CYB5R4: variants seen among roughly 807,000 people sequenced by gnomAD.
The protein encoded by CYB5R4 is N-terminal cytochrome b5 and cytochrome b5 oxidoreductase domain-containing protein.
In CYB5R4, 55 loss-of-function variants were observed where a neutral mutation model predicts 70.2. That is an observed-to-expected ratio of 0.78 (90% confidence interval 0.63 to 0.98). The LOEUF (loss-of-function observed/expected upper bound fraction) is 0.98. Among genes scored for constraint, CYB5R4 ranks in the 50% least tolerant of loss-of-function variants. The pLI is 0.00. For missense variants in CYB5R4, 562 were observed against 612.6 expected (o/e 0.92, Z 0.87); for synonymous variants, 197 against 199.5 (o/e 0.99, Z 0.11).
At chr6:83,916,450 T>C (rs1158988540) in intron 5 of CYB5R4, among the ~76,000 whole-genome samples, 1 of 152,206 alleles carries the variant, frequency 6.6e-6, no homozygotes, top group Non-Finnish European at 1.5e-5. Flanking sequence ...TTTCAGTGCT[T>C]CTTAATTTAA....
chr6:83,939,712 A>G (rs1307396895), intron 12 of CYB5R4, among the ~76,000 whole-genome samples: 2 of 152,232 alleles, frequency 1.3e-5, no homozygotes, highest in African/African-American at 4.8e-5. Flanking sequence ...TAGTTTAGCA[A>G]TCAATCCTTT....
intron 3 of CYB5R4, among the ~76,000 whole-genome samples, chr6:83,905,781 T>TG (rs1588571538): frequency 1.3e-5 from 2 of 152,046 alleles, no homozygotes; most frequent in East Asian, 3.9e-4. Context: ...GCATGGGTGG[T>TG]GACGGTGGCA....
At chr6:83,934,255 AG>A (rs2099468586) in intron 10 of CYB5R4, among the ~76,000 whole-genome samples, 1 of 151,778 alleles carries the variant, frequency 6.6e-6, no homozygotes, top group Admixed American at 6.6e-5. Context: ...AAAAAAAAAA[AG>A]ACTTTAGAAT....
intron 10 of CYB5R4, among the ~76,000 whole-genome samples, chr6:83,931,422 C>T (rs570777259): frequency 6.6e-6 from 1 of 152,342 alleles, no homozygotes; most frequent in East Asian, 1.9e-4. Context: ...TCTTTCTCTT[C>T]TATCTCCCAT....
intron 2 of CYB5R4, among the ~76,000 whole-genome samples, chr6:83,892,731 T>C (rs1588566463): frequency 6.6e-6 from 1 of 152,332 alleles, no homozygotes; most frequent in Middle Eastern, 3.4e-3. Context: ...TAACCTTTGC[T>C]GAGATGATCA....
At chr6:83,952,301 C>A (rs2099471677) in intron 14 of CYB5R4, among the ~76,000 whole-genome samples, 1 of 152,050 alleles carries the variant, frequency 6.6e-6, no homozygotes, top group South Asian at 2.1e-4. Context: ...GTAAGACTAC[C>A]CTAGTGGTGG....
At chr6:83,863,913 G>A (rs962981575) in intron 1 of CYB5R4, among the ~76,000 whole-genome samples, 2 of 152,092 alleles carry the variant, frequency 1.3e-5, no homozygotes, top group East Asian at 3.9e-4. Context: ...CTGGATTTTG[G>A]TATAGGGTAG....
chr6:83,957,127 G>C (rs988193449), intron 15 of CYB5R4, among the ~76,000 whole-genome samples: 24 of 151,756 alleles, frequency 1.6e-4, no homozygotes, highest in Admixed American at 2.0e-4. Flanking sequence ...AACTTAAAAA[G>C]ATTTTTCAAG....
chr6:83,916,353 C>A (rs2099465514), intron 5 of CYB5R4, among the ~76,000 whole-genome samples: 1 of 152,102 alleles, frequency 6.6e-6, no homozygotes, highest in Non-Finnish European at 1.5e-5. Flanking sequence ...CGTTTTCTTA[C>A]AGAAATTCTT....
chr6:83,946,585 GGAAA>G (rs2099470652), intron 14 of CYB5R4, among the ~76,000 whole-genome samples: 1 of 151,972 alleles, frequency 6.6e-6, no homozygotes. Context: ...GTCAGGTAAG[GGAAA>G]GAAAGAAAGG....
Position 83,961,203 on chromosome 6 carries a change from G to A in CYB5R4, c.*1325G>A, listed in dbSNP as rs1588590794. ...ACTTTTTCCTGTGCCTCTGTCTTCT[G>A]TAGCCAATTCCACCATCATCATTAT... is the stretch of plus-strand genomic sequence containing the variant. On this transcript the variant is annotated 3_prime_UTR_variant, in exon 16 of 16. Transcript: ENST00000369681. 6.6e-6 allele frequency: 1 copy of A among 152,264 alleles called. No homozygotes were observed. The highest frequency in any genetic ancestry group is 1.9e-4 in the East Asian group (1 of 5,188). 9.4% of individuals were successfully genotyped at this position (152,264 alleles called of 1,614,324 possible). A position where few individuals can be genotyped will look rare whatever the true frequency, so the allele number is the denominator to read the frequency against.
Position 83,962,949 on chromosome 6 carries a change from T to G in CYB5R4, c.*3071T>G, listed in dbSNP as rs752414175. The stretch of plus-strand genomic sequence containing the variant: ...AGCATTGGTAGATGAATCTTATGCT[T>G]TCAATCTCTCTGAATTCCCTTTCTG... On this transcript the variant is annotated 3_prime_UTR_variant, in exon 16 of 16. Transcript: ENST00000369681. 4 of 152,254 alleles carry G rather than the reference T, an allele frequency of 2.6e-5. No individual in the cohort carries two copies. The highest frequency in any genetic ancestry group is 4.4e-5 in the Non-Finnish European group (3 of 68,052). The allele number at this position is 152,254 out of a possible 1,614,324, so 9.4% of individuals were successfully genotyped here. A position where few individuals can be genotyped will look rare whatever the true frequency, so the allele number is the denominator to read the frequency against.
At position 83,893,959 on chromosome 6, in the gene CYB5R4, G is replaced by A. The variant is rs965818115; in HGVS notation, c.330+337G>A. ...ATTGGAAGAAGGAACATTGGGATCC[G>A]CTGCTAACTTGCTGAATCACTTTAA... On this transcript the variant is annotated intron_variant, in intron 3 of 15. Transcript: ENST00000369681. 3.9e-5 allele frequency among the ~76,000 whole-genome samples: 6 copies of A among 152,272 alleles called. No individual in the cohort carries two copies. The East Asian group carries it at 5.8e-4, about 15-fold the overall frequency.
chr6:83,952,606 A>G (rs1195322015), intron 14 of CYB5R4, among the ~76,000 whole-genome samples: 1 of 152,020 alleles, frequency 6.6e-6, no homozygotes, highest in Non-Finnish European at 1.5e-5. Flanking sequence ...ATGAAGGAGA[A>G]TGATGCAGAA....
intron 4 of CYB5R4, among the ~76,000 whole-genome samples, chr6:83,913,697 T>C (rs183023167): frequency 7.2e-4 from 109 of 152,314 alleles, no homozygotes; most frequent in African/African-American, 2.6e-3. Context: ...TGATGTCAGC[T>C]TAAGAAATGA....
Position 83,965,671 on chromosome 6 carries a change from G to A in CYB5R4, c.*5793G>A, listed in dbSNP as rs933412348. The A allele has an allele frequency of 6.6e-6, 1 of 152,212 alleles. No individual in the cohort carries two copies. The highest frequency in any genetic ancestry group is 2.4e-5 in the African/African-American group (1 of 41,450). The allele number at this position is 152,212 out of a possible 1,614,324, so 9.4% of individuals were successfully genotyped here. A position where few individuals can be genotyped will look rare whatever the true frequency, so the allele number is the denominator to read the frequency against. On this transcript the variant is annotated 3_prime_UTR_variant, in exon 16 of 16. Coordinates refer to ENST00000369681, the MANE Select transcript of CYB5R4 (RefSeq NM_016230.4). ...GGGAATGCATGATTGGTTTTGAAAT[G>A]TGAGGACATAAGATTTGGAGGAGCC...
chr6:83,880,513 G>A (rs1027350731), intron 2 of CYB5R4, among the ~76,000 whole-genome samples: 2 of 152,122 alleles, frequency 1.3e-5, no homozygotes, highest in Non-Finnish European at 2.9e-5. Flanking sequence ...GAGAATACTT[G>A]TGTAATATTG....
intron 2 of CYB5R4, among the ~76,000 whole-genome samples, chr6:83,880,979 T>C (rs189475800): frequency 6.6e-6 from 1 of 152,182 alleles, no homozygotes; most frequent in African/African-American, 2.4e-5. Flanking sequence ...TGCAGTCTCT[T>C]TGCTTCTTGT....
chr6:83,911,305 A>C (rs1279475608), intron 4 of CYB5R4, among the ~76,000 whole-genome samples: 1 of 152,126 alleles, frequency 6.6e-6, no homozygotes, highest in Non-Finnish European at 1.5e-5. Flanking sequence ...TGTTATGAAG[A>C]GTTCTGTTTA....
Sources: gnomAD v4.1 joint callset for allele counts (sites outside exome capture counted in the v4.1 genomes callset) on GRCh38, gnomAD v4.1.1 for gene constraint, MANE v1.5 for transcripts, NCBI Gene and HGNC (gene_info 2026-07-23, HGNC 2026-07-21) for gene names.